Variants in GALNT16 observed in about 807,000 individuals in gnomAD.
GALNT16 encodes the protein UDP-GalNAc:polypeptide N-acetylgalactosaminyltransferase-like protein 1.
GALNT16 carries 40 observed loss-of-function variants against 76.1 expected under a neutral mutation model. That is an observed-to-expected ratio of 0.53 (90% CI 0.41 to 0.68). GALNT16 has a LOEUF of 0.68. GALNT16 is among the 30% of genes least tolerant of loss of function. The probability of loss-of-function intolerance (pLI) is 0.00; values close to 1 mark genes in which losing one functional copy is unlikely to be tolerated. For synonymous variants in GALNT16, 276 were observed against 285.2 expected (o/e 0.97, Z 0.32); for missense variants, 621 against 731.9 (o/e 0.85, Z 1.75).
the GALNT16 span, among the ~76,000 whole-genome samples, chr14:69,373,065 G>A: frequency 2.0e-5 from 3 of 152,148 alleles, no homozygotes; most frequent in Non-Finnish European, 4.4e-5. Context: ...GAATGGCCAG[G>A]GGCATTGCAG....
the GALNT16 span, among the ~76,000 whole-genome samples, chr14:69,384,027 T>C: frequency 6.6e-6 from 1 of 152,150 alleles, no homozygotes; most frequent in Non-Finnish European, 1.5e-5. Flanking sequence ...AGAAAAGTTA[T>C]GTTATGTCAT....
At chr14:69,368,236 C>T in the GALNT16 span, among the ~76,000 whole-genome samples, 2 of 152,082 alleles carry the variant, frequency 1.3e-5, no homozygotes, top group East Asian at 3.9e-4. Context: ...CTACCTATTG[C>T]CGTGTAAAAA....
At chr14:69,370,808 C>T in the GALNT16 span, among the ~76,000 whole-genome samples, 1 of 152,234 alleles carries the variant, frequency 6.6e-6, no homozygotes, top group Non-Finnish European at 1.5e-5. Context: ...GAATCTTATA[C>T]TGATGGGCAA....
At chr14:69,294,635 T>A (rs1041799790) in intron 1 of GALNT16, among the ~76,000 whole-genome samples, 11 of 152,200 alleles carry the variant, frequency 7.2e-5, no homozygotes, top group Admixed American at 5.2e-4. Flanking sequence ...AGGGAACCAC[T>A]AATTTACTCT....
At chr14:69,304,766 C>T (rs1267516044) in intron 1 of GALNT16, among the ~76,000 whole-genome samples, 1 of 152,128 alleles carries the variant, frequency 6.6e-6, no homozygotes, top group African/African-American at 2.4e-5. Context: ...CATAATGTCC[C>T]CAAGGTTCAT....
intron 9 of GALNT16, among the ~76,000 whole-genome samples, chr14:69,337,096 G>A (rs1430053335): frequency 2.6e-5 from 4 of 152,090 alleles, no homozygotes; most frequent in Non-Finnish European, 4.4e-5. Context: ...TGGAGTTCCC[G>A]TCTTCTCACT....
chr14:69,311,494 T>C (rs1446774589), intron 1 of GALNT16, among the ~76,000 whole-genome samples: 1 of 152,218 alleles, frequency 6.6e-6, no homozygotes, highest in African/African-American at 2.4e-5. Flanking sequence ...AGAGGCAGGC[T>C]GATTTTTCCC....
chr14:69,296,728 T>TGATC (rs1555397887), intron 1 of GALNT16, among the ~76,000 whole-genome samples: 3 of 142,058 alleles, frequency 2.1e-5, no homozygotes, highest in East Asian at 2.5e-4. Flanking sequence ...GACAGATAGA[T>TGATC]GATAGATAGA....
At chr14:69,359,753 C>T (rs1024041196), downstream of GALNT16, among the ~76,000 whole-genome samples, 1 of 152,216 alleles carries the variant, frequency 6.6e-6, no homozygotes, top group Non-Finnish European at 1.5e-5. Flanking sequence ...CTGGGCCAGA[C>T]GCGGTGGCTC....
intron 9 of GALNT16, among the ~76,000 whole-genome samples, chr14:69,334,775 C>T (rs2045396602): frequency 6.6e-6 from 1 of 152,200 alleles, no homozygotes; most frequent in African/African-American, 2.4e-5. Flanking sequence ...GCCTCCCTGT[C>T]TGCCTGAGGA....
chr14:69,269,326 T>A (rs1388607345), intron 1 of GALNT16, among the ~76,000 whole-genome samples: 1 of 151,426 alleles, frequency 6.6e-6, no homozygotes, highest in Non-Finnish European at 1.5e-5. Flanking sequence ...GTAGTGTGTA[T>A]GTTGTGTTGT....
intron 1 of GALNT16, among the ~76,000 whole-genome samples, chr14:69,318,937 A>G (rs1222252127): frequency 6.6e-6 from 1 of 152,228 alleles, no homozygotes; most frequent in Admixed American, 6.5e-5. Flanking sequence ...CCAAGCCAGA[A>G]CATTCCTTTT....
chr14:69,274,938 G>A (rs182621553), intron 1 of GALNT16, among the ~76,000 whole-genome samples: 142 of 152,254 alleles, frequency 9.3e-4, no homozygotes, highest in Admixed American at 9.2e-3. Flanking sequence ...AGGGCTGCCC[G>A]GCTTCAAAGC....
chr14:69,278,932 A>ATT (rs532468111), intron 1 of GALNT16, among the ~76,000 whole-genome samples: 39 of 144,054 alleles, frequency 2.7e-4, no homozygotes, highest in Middle Eastern at 3.6e-3. Flanking sequence ...CTTTACCTTA[A>ATT]TTTTTTTTTT....
chr14:69,341,628 G>A (rs761858356), intron 11 of GALNT16, 53 bp from the exon 12 acceptor site: 21 of 1,218,928 alleles, frequency 1.7e-5, no homozygotes, highest in Admixed American at 7.5e-5. Flanking sequence ...ATCCTCCCTC[G>A]GGCTGCCTTC....
chr14:69,287,537 A>T (rs1209178461), intron 1 of GALNT16, among the ~76,000 whole-genome samples: 1 of 152,176 alleles, frequency 6.6e-6, no homozygotes, highest in Non-Finnish European at 1.5e-5. Flanking sequence ...GAGCTCCCTC[A>T]CTGGAAGTGG....
At chr14:69,322,928 GTGTGT>G (rs2045213159) in intron 2 of GALNT16, among the ~76,000 whole-genome samples, 2 of 21,632 alleles carry the variant, frequency 9.2e-5, no homozygotes, top group East Asian at 0.025. Flanking sequence ...CTCACGGGGT[GTGTGT>G]GTGTGTGTGT....
intron 1 of GALNT16, among the ~76,000 whole-genome samples, chr14:69,273,448 C>T (rs1034676368): frequency 6.6e-6 from 1 of 152,088 alleles, no homozygotes; most frequent in Admixed American, 6.5e-5. Context: ...CCAGGCTGAG[C>T]GGGAAAGAGG....
At chr14:69,368,042 G>T in the GALNT16 span, among the ~76,000 whole-genome samples, 1 of 152,078 alleles carries the variant, frequency 6.6e-6, no homozygotes, top group Non-Finnish European at 1.5e-5. Flanking sequence ...GCAAGAAAGT[G>T]ATATAATCAG....
Sources: gnomAD v4.1 joint callset for allele counts (sites outside exome capture counted in the v4.1 genomes callset) on GRCh38, gnomAD v4.1.1 for gene constraint, MANE v1.5 for transcripts, NCBI Gene and HGNC (gene_info 2026-07-23, HGNC 2026-07-21) for gene names.